ZNF296: variants seen among roughly 807,000 people sequenced by gnomAD.
ZNF296 encodes zinc finger protein 342.
A neutral mutation model predicts 13.2 loss-of-function variants in ZNF296; 1 was observed. The observed-to-expected ratio is 0.08, with a 90% CI of 0.03 to 0.36. The LOEUF is 0.36. Among genes scored for constraint, ZNF296 ranks in the 10% least tolerant of loss-of-function variants. The pLI is 0.99. For missense variants in ZNF296, 555 were observed against 688.2 expected (o/e 0.81, Z 2.16); for synonymous variants, 303 against 289.0 (o/e 1.05, Z -0.49).
At position 45,072,203 on chromosome 19, in the gene ZNF296, G is replaced by A; in HGVS notation, c.826C>T (p.Arg276Cys). The change falls in exon 3 of 3, where the codon CGC (arginine) becomes TGC (cysteine). Residue 276 changes from arginine (R) to cysteine (C), a missense_variant. Transcript: ENST00000303809. ...YACAQSSKLN[R>C]HKKTHRQVPP... ...ACCTGCCGGTGGGTCTTCTTGTGGC[G>A]GTTGAGCTTGCTGCTCTGGGCGCAG... is the stretch of plus-strand genomic sequence containing the variant. 3 of 1,607,596 alleles carry A rather than the reference G, an allele frequency of 1.9e-6. No individual in the cohort carries two copies. Among genetic ancestry groups the A allele is most frequent in the Non-Finnish European group, 2.6e-6 (3 of 1,176,098 alleles).
At chr19:45,075,895 T>G (rs1318836318) in intron 1 of ZNF296, 33 bp from the exon 2 acceptor site, 4 of 1,588,172 alleles carry the variant, frequency 2.5e-6, no homozygotes, top group African/African-American at 1.4e-5. Context: ...GAGCGTGGGG[T>G]GGGGCCAGGA....
chr19:45,073,299 CTT>C (rs967171202), intron 2 of ZNF296, among the ~76,000 whole-genome samples: 10 of 136,174 alleles, frequency 7.3e-5, no homozygotes, highest in African/African-American at 1.1e-4. Flanking sequence ...GGCTTGCTTG[CTT>C]TTTTTTTTTT....
At position 45,076,196 on chromosome 19, in the gene ZNF296, C is replaced by T; in HGVS notation, c.178G>A (p.Gly60Arg). ...PFSPKEVSSA[G>R]RFGGEPHHSP... ...TGGTGGGGTTCGCCGCCGAACCGCC[C>T]CGCCGAGGACACCTCCTTCGGGGAG... Residue 60 changes from glycine (G) to arginine (R), a missense_variant, in exon 1 of 3, where the codon GGG becomes AGG. Gly to Arg is a moderately radical substitution (Grantham distance 125). This residue lies in a region of ZNF296 where 137 missense variants were observed against 121.9 expected (regional missense o/e 1.12). Transcript: ENST00000303809. This position sits in a 1 kb window ranked among gnomAD's most constrained non-coding sequence, Gnocchi z 4.9. 1 of 1,505,896 alleles carries T rather than the reference C, an allele frequency of 6.6e-7. No homozygotes were observed. Among genetic ancestry groups the T allele is most frequent in the Non-Finnish European group, 8.8e-7 (1 of 1,130,908 alleles). The allele number at this position is 1,505,896 out of a possible 1,614,324, so 93.3% of individuals were successfully genotyped here.
rs769558129 is a variant in ZNF296 at position 45,071,757 on chromosome 19, G to T, written c.1272C>A (p.Ala424=). The T allele has an allele frequency of 1.2e-6, 2 of 1,612,636 alleles. No homozygotes were observed. Among genetic ancestry groups the T allele is most frequent in the African/African-American group, 1.3e-5 (1 of 74,900 alleles). The change falls in exon 3 of 3, where the codon GCC becomes GCA. Residue 424 remains alanine, a synonymous_variant. Transcript: ENST00000303809. The stretch of plus-strand genomic sequence containing the variant: ...GGTGGCGGTTGAGCTTACTGCTCTG[G>T]GCGCAGGCGTAGTTGCAGAACTCAC... ...YTCEFCNYAC[A]QSSKLNRHRR...
At chr19:45,075,350 G>A (rs1251228231) in intron 2 of ZNF296, among the ~76,000 whole-genome samples, 2 of 152,170 alleles carry the variant, frequency 1.3e-5, no homozygotes, top group Non-Finnish European at 2.9e-5. Flanking sequence ...CCTCCCTAGA[G>A]GTCCCCTCCT....
rs1411454902 is a variant in ZNF296 at position 45,072,579 on chromosome 19, T to C, written c.450A>G (p.Glu150=). The part of the protein sequence containing the change: ...FRGPSRGQGS[E]REELKALSCL... ...AGCTCAAGGCCTTCAGCTCCTCTCGTTCTGGTAAGAAAAAGAGGCAGAGTG... is the reference window on the plus strand; with the variant it reads ...AGCTCAAGGCCTTCAGCTCCTCTCGCTCTGGTAAGAAAAAGAGGCAGAGTG... Residue 150 remains glutamate, a splice_region_variant and synonymous_variant, in exon 3 of 3, where the codon GAA becomes GAG. Transcript: ENST00000303809. 6.3e-7 allele frequency: 1 copy of C among 1,588,442 alleles called. No individual in the cohort carries two copies. Among genetic ancestry groups the C allele is most frequent in the Non-Finnish European group, 8.6e-7 (1 of 1,166,310 alleles).
At chr19:45,073,752 G>A (rs916884928) in intron 2 of ZNF296, among the ~76,000 whole-genome samples, 17 of 151,660 alleles carry the variant, frequency 1.1e-4, no homozygotes, top group African/African-American at 2.9e-4. Context: ...GGCCGGGCAC[G>A]GTGGCTCACA....
chr19:45,075,218 TTCC>T (rs1967322602), intron 2 of ZNF296, among the ~76,000 whole-genome samples: 1 of 152,000 alleles, frequency 6.6e-6, no homozygotes, highest in Non-Finnish European at 1.5e-5. Flanking sequence ...CAGAAGCCCC[TTCC>T]TTGGCTCTGA....
In ZNF296 at chr19:45,076,233, C is replaced by T. The variant is rs893873599; in HGVS notation, c.141G>A (p.Arg47=). The T allele has an allele frequency of 4.6e-6, 7 of 1,508,402 alleles. No individual in the cohort carries two copies. In the African/African-American group the frequency reaches 8.7e-5, roughly 19 times the overall value. 93.4% of individuals were successfully genotyped at this position (1,508,402 alleles called of 1,614,324 possible). A position where few individuals can be genotyped will look rare whatever the true frequency, so the allele number is the denominator to read the frequency against. ...EPDAQPQQAP[R]LGPFSPKEVS... is the part of the protein sequence containing the mutation. ...CCTCCTTCGGGGAGAAGGGCCCCAG[C>T]CTTGGGGCCTGTTGGGGCTGCGCGT... The change falls in exon 1 of 3, where the codon AGG becomes AGA. Residue 47 remains arginine, a synonymous_variant. Transcript: ENST00000303809. This position sits in a 1 kb window ranked among gnomAD's most constrained non-coding sequence, Gnocchi z 4.9.
intron 2 of ZNF296, among the ~76,000 whole-genome samples, chr19:45,073,711 G>A (rs963238106): frequency 2.6e-5 from 4 of 151,676 alleles, no homozygotes; most frequent in Non-Finnish European, 5.9e-5. Context: ...CTGGCTGGGA[G>A]CAGAGGCTTT....
In ZNF296 at chr19:45,072,134, C is replaced by A. The variant is rs1384632336; in HGVS notation, c.895G>T (p.Ala299Ser). Residue 299 changes from alanine (A) to serine (S), a missense_variant, in exon 3 of 3, where the codon GCC (alanine) becomes TCC (serine). Around this residue, in one of 3 missense-constraint regions of ZNF296, gnomAD observed 410 missense variants for 548.0 expected, o/e 0.75. Transcript: ENST00000303809. ...PLMADTSQEQASAAPPEPAVH... is the reference protein window; with the variant it reads ...PLMADTSQEQSSAAPPEPAVH... ...GCCGGCTCCGGAGGGGCTGCAGAGG[C>A]CTGCTCCTGGCTGGTGTCGGCCATG... 2 of 1,604,820 alleles carry A rather than the reference C, an allele frequency of 1.2e-6. No homozygotes were observed. Among genetic ancestry groups the A allele is most frequent in the African/African-American group, 1.3e-5 (1 of 74,560 alleles).
chr19:45,075,774 G>C lies in ZNF296; in HGVS notation c.387C>G (p.Phe129Leu), dbSNP rs748850944. Reference protein sequence around the residue: ...QTFPLEAITAFMDHKKLGCQL... With the variant: ...QTFPLEAITALMDHKKLGCQL... ...GACAGCCCAGCTTCTTGTGGTCCAT[G>C]AAGGCAGTGATGGCCTCCAACGGGA... is the stretch of plus-strand genomic sequence containing the variant. Residue 129 changes from phenylalanine (F) to leucine (L), a missense_variant, in exon 2 of 3, where the codon TTC (phenylalanine) becomes TTG (leucine). Transcript: ENST00000303809. 1.9e-6 allele frequency: 3 copies of C among 1,614,172 alleles called. No homozygotes were observed. The highest frequency in any genetic ancestry group is 2.5e-6 in the Non-Finnish European group (3 of 1,180,030).
chr19:45,073,032 A>G (rs574808853), intron 2 of ZNF296, among the ~76,000 whole-genome samples: 2 of 152,194 alleles, frequency 1.3e-5, no homozygotes, highest in African/African-American at 4.8e-5. Context: ...GATTATAGGC[A>G]TGAGCCACTG....
In ZNF296 at chr19:45,072,453, CGGGGCCTCT is replaced by C. The variant is rs760625738; in HGVS notation, c.567_575del (p.Glu193_Pro195del). 5.0e-6 allele frequency: 8 copies of C among 1,612,880 alleles called. No individual in the cohort carries two copies. The African/African-American group carries it at 8.0e-5, about 16-fold the overall frequency. On this transcript the variant is annotated inframe_deletion, in exon 3 of 3. Coordinates refer to ENST00000303809, the MANE Select transcript of ZNF296 (RefSeq NM_145288.3). ...CGGCCAGGCCCAGGAGCGGGGCCTC[CGGGGCCTCT>C]GATTCTGTCTGGTAGATGGACAGTC...
chr19:45,071,952 T>C lies in ZNF296; in HGVS notation c.1077A>G (p.Gln359=), dbSNP rs1967263255. Residue 359 remains glutamine, a synonymous_variant, in exon 3 of 3, where the codon CAA becomes CAG. Transcript: ENST00000303809. ...GDTWGAITTE[Q]RTDPANSQKA... ...TCTGGCTGTTTGCAGGGTCAGTTCTTTGTTCCGTGGTGATGGCTCCCCAAG... is the reference window on the plus strand; with the variant it reads ...TCTGGCTGTTTGCAGGGTCAGTTCTCTGTTCCGTGGTGATGGCTCCCCAAG... 1.9e-6 allele frequency: 3 copies of C among 1,613,692 alleles called. No individual in the cohort carries two copies. In the East Asian group the frequency reaches 6.7e-5, roughly 36 times the overall value.
chr19:45,074,240 A>G (rs1421171950), intron 2 of ZNF296, among the ~76,000 whole-genome samples: 1 of 151,768 alleles, frequency 6.6e-6, no homozygotes, highest in Non-Finnish European at 1.5e-5. Flanking sequence ...GCACGCCTGT[A>G]GTCCCAGCTA....
intron 2 of ZNF296, among the ~76,000 whole-genome samples, chr19:45,073,020 G>A (rs975638888): frequency 6.6e-6 from 1 of 152,194 alleles, no homozygotes; most frequent in African/African-American, 2.4e-5. Context: ...CCAAAGTGCT[G>A]GGATTATAGG....
intron 2 of ZNF296, among the ~76,000 whole-genome samples, chr19:45,074,028 A>AC (rs1967301481): frequency 1.3e-5 from 2 of 151,120 alleles, no homozygotes; most frequent in African/African-American, 4.9e-5. Flanking sequence ...GTTTCAAAAA[A>AC]AAAAATTTTT....
intron 2 of ZNF296, among the ~76,000 whole-genome samples, chr19:45,074,234 G>A (rs544994818): frequency 1.3e-4 from 19 of 151,646 alleles, no homozygotes; most frequent in Non-Finnish European, 1.9e-4. Flanking sequence ...GGTGGTGCAC[G>A]CCTGTAGTCC....
Sources: gnomAD v4.1 joint callset for allele counts (sites outside exome capture counted in the v4.1 genomes callset) on GRCh38, gnomAD v4.1.1 for gene constraint, gnomAD v4.1.1 regional missense constraint, Gnocchi (gnomAD v3.1) non-coding constraint, MANE v1.5 for transcripts, NCBI Gene and HGNC (gene_info 2026-07-23, HGNC 2026-07-21) for gene names.